Variants in TSHR observed in about 807,000 individuals in gnomAD.
The protein encoded by TSHR is thyroid stimulating hormone receptor.
In TSHR, 51 loss-of-function variants were observed where a neutral mutation model predicts 64.1. That is an observed-to-expected ratio of 0.80 (90% CI 0.64 to 1.01). The LOEUF is 1.01. TSHR is among the 50% of genes least tolerant of loss of function. The pLI is 0.00. For synonymous variants in TSHR, 361 were observed against 361.9 expected, an observed-to-expected ratio of 1.00 and a Z score of 0.03; for missense variants, 877 against 942.8, an observed-to-expected ratio of 0.93 and a Z score of 0.91.
At chr14:81,022,894 C>T (rs746508186) in intron 1 of TSHR, among the ~76,000 whole-genome samples, 36 of 152,046 alleles carry the variant, frequency 2.4e-4, no homozygotes, top group Non-Finnish European at 4.9e-4. Context: ...CATTAATGAG[C>T]TTATTAAGGA....
At chr14:81,065,207 C>T (rs577720496) in intron 2 of TSHR, among the ~76,000 whole-genome samples, 9 of 152,142 alleles carry the variant, frequency 5.9e-5, no homozygotes, top group Admixed American at 1.3e-4. Flanking sequence ...ATGAACTTCC[C>T]GAAGCTCCAC....
chr14:81,047,716 C>T (rs1885236927), intron 1 of TSHR, among the ~76,000 whole-genome samples: 1 of 143,904 alleles, frequency 6.9e-6, no homozygotes, highest in African/African-American at 2.6e-5. Flanking sequence ...GGCTGGAGTG[C>T]AGTGGCACGA....
At chr14:81,042,058 A>T (rs1279054753) in intron 1 of TSHR, among the ~76,000 whole-genome samples, 1 of 152,196 alleles carries the variant, frequency 6.6e-6, no homozygotes, top group Non-Finnish European at 1.5e-5. Flanking sequence ...AACATTACCA[A>T]TCATCAGAGG....
At chr14:81,104,643 A>G (rs753121910) in intron 7 of TSHR, 50 of 985,334 alleles carry the variant, frequency 5.1e-5, no homozygotes, top group Non-Finnish European at 6.0e-5. Context: ...AAGGGCGTAC[A>G]TAAACACACA....
At chr14:81,097,526 C>T (rs950372109) in intron 7 of TSHR, among the ~76,000 whole-genome samples, 1 of 152,060 alleles carries the variant, frequency 6.6e-6, no homozygotes, top group African/African-American at 2.4e-5. Context: ...CTCGGGATTC[C>T]ATATTTCTAA....
At chr14:81,032,665 G>T in intron 1 of TSHR, 1 of 423,630 alleles carries the variant, frequency 2.4e-6, no homozygotes, top group Non-Finnish European at 4.7e-6. Flanking sequence ...GTTGTCGAAG[G>T]CATAATCTCT....
chr14:81,031,797 T>G (rs1884362975), intron 1 of TSHR, among the ~76,000 whole-genome samples: 1 of 152,180 alleles, frequency 6.6e-6, no homozygotes, highest in Non-Finnish European at 1.5e-5. Flanking sequence ...TCACTGACAT[T>G]GACTATAGAA....
intron 1 of TSHR, among the ~76,000 whole-genome samples, chr14:81,030,960 A>G (rs1244040329): frequency 2.0e-5 from 3 of 152,156 alleles, no homozygotes; most frequent in Non-Finnish European, 4.4e-5. Flanking sequence ...TGCCTTTTAC[A>G]TATAAAATCA....
At chr14:80,976,449 G>T (rs752311329) in intron 1 of TSHR, among the ~76,000 whole-genome samples, 1 of 152,144 alleles carries the variant, frequency 6.6e-6, no homozygotes, top group African/African-American at 2.4e-5. Flanking sequence ...TTCCCCCTCA[G>T]CTTTCACCTC....
At chr14:81,047,662 C>T (rs888049066) in intron 1 of TSHR, among the ~76,000 whole-genome samples, 4 of 99,408 alleles carry the variant, frequency 4.0e-5, no homozygotes, top group African/African-American at 1.2e-4. Flanking sequence ...TGTTCATTGG[C>T]TCTTTTTTTT....
In TSHR at chr14:81,143,497, A is replaced by C; in HGVS notation, c.1439A>C (p.Glu480Ala). 1 of 1,613,956 alleles carries C rather than the reference A, an allele frequency of 6.2e-7. No individual in the cohort carries two copies. The highest frequency in any genetic ancestry group is 1.1e-5 in the South Asian group (1 of 91,076). The change falls in exon 10 of 10, where the codon GAG becomes GCG. Residue 480 changes from glutamate to alanine, a missense_variant. Coordinates refer to ENST00000298171, the MANE Select transcript of TSHR (RefSeq NM_000369.5). Reference sequence around the variant, plus strand: ...TCTGTAGACCTCTACACTCACTCTGAGTACTACAACCATGCCATCGACTGG... The same window carrying C: ...TCTGTAGACCTCTACACTCACTCTGCGTACTACAACCATGCCATCGACTGG... ...IASVDLYTHS[E>A]YYNHAIDWQT...
intron 8 of TSHR, among the ~76,000 whole-genome samples, chr14:81,139,449 A>T (rs1891588358): frequency 6.6e-6 from 1 of 152,226 alleles, no homozygotes; most frequent in Admixed American, 6.5e-5. Flanking sequence ...TGACTGTGGA[A>T]ATAGCATTTG....
Position 81,062,167 on chromosome 14 carries a change from C to G in TSHR, c.190C>G (p.Leu64Val). The change falls in exon 2 of 10, where the codon CTG becomes GTG. Residue 64 changes from leucine to valine, a missense_variant. By Grantham distance (32) the Leu-to-Val change is conservative (BLOSUM62 1). Coordinates refer to ENST00000298171, the MANE Select transcript of TSHR (RefSeq NM_000369.5). ...TQTLKLIETH[L>V]RTIPSHAFSN... The stretch of plus-strand genomic sequence containing the variant: ...TCACAGGAAGCTTATTGAGACTCAC[C>G]TGAGAACTATTCCAAGTCATGCATT... 1.9e-6 allele frequency: 3 copies of G among 1,611,836 alleles called. No individual in the cohort carries two copies. The highest frequency in any genetic ancestry group is 2.5e-6 in the Non-Finnish European group (3 of 1,178,764).
chr14:81,055,754 A>T (rs1885750874), intron 1 of TSHR, among the ~76,000 whole-genome samples: 2 of 152,070 alleles, frequency 1.3e-5, no homozygotes, highest in African/African-American at 4.8e-5. Context: ...GAATGGCTGT[A>T]TTTACCCAAT....
At chr14:81,042,781 T>C (rs1374342933) in intron 1 of TSHR, among the ~76,000 whole-genome samples, 1 of 152,074 alleles carries the variant, frequency 6.6e-6, no homozygotes, top group Non-Finnish European at 1.5e-5. Flanking sequence ...ATAGCTAGGA[T>C]AGAGTGTTTT....
intron 3 of TSHR, among the ~76,000 whole-genome samples, chr14:81,086,331 T>C (rs1003855608): frequency 2.6e-5 from 4 of 152,198 alleles, no homozygotes; most frequent in Admixed American, 2.0e-4. Context: ...GTGATTTCTG[T>C]TCTCAGAGTT....
intron 8 of TSHR, among the ~76,000 whole-genome samples, chr14:81,120,454 T>C (rs1490134872): frequency 6.6e-6 from 1 of 152,220 alleles, no homozygotes; most frequent in Non-Finnish European, 1.5e-5. Context: ...TAAATGGGAT[T>C]GTTTTCTTTG....
At chr14:81,066,177 C>T (rs533497105) in intron 2 of TSHR, among the ~76,000 whole-genome samples, 16 of 152,054 alleles carry the variant, frequency 1.1e-4, no homozygotes, top group Admixed American at 6.6e-4. Flanking sequence ...TAATATGGGC[C>T]GAGTGACTAT....
In TSHR at chr14:80,985,818, T is replaced by C. The variant is rs142991096; in HGVS notation, c.170+29968T>C. On this transcript the variant is annotated intron_variant, in intron 1 of 9. Coordinates refer to ENST00000298171, the MANE Select transcript of TSHR (RefSeq NM_000369.5). ...ACAACAACAACAACAAAATAGAATA[T>C]ATACAAGGGGTATGCAAACTTTGGT... 1.7e-3 allele frequency among the ~76,000 whole-genome samples: 255 copies of C among 152,302 alleles called. 1 individual carries two copies. Among genetic ancestry groups the C allele is most frequent in the African/African-American group, 5.2e-3 (217 of 41,562 alleles).
Sources: gnomAD v4.1 joint callset for allele counts (sites outside exome capture counted in the v4.1 genomes callset) on GRCh38, gnomAD v4.1.1 for gene constraint, MANE v1.5 for transcripts, NCBI Gene and HGNC (gene_info 2026-07-23, HGNC 2026-07-21) for gene names.